Variants in EXOC3L4 observed in about 807,000 individuals in gnomAD.
EXOC3L4 encodes exocyst complex component 3-like protein 4.
In EXOC3L4, 62 loss-of-function variants were observed where a neutral mutation model predicts 69.7. The ratio of observed to expected loss-of-function variants is 0.89; its 90% CI spans 0.72 to 1.10. EXOC3L4 has a LOEUF of 1.10. Ranked by LOEUF, EXOC3L4 falls within the 50% of genes least tolerant of loss-of-function variation. EXOC3L4 has a pLI of 0.00. For synonymous variants in EXOC3L4, 502 were observed against 464.2 expected (o/e 1.08, Z -1.05); for missense variants, 1,087 against 1,034.8 (o/e 1.05, Z -0.69).
At chr14:103,103,777 G>A in intron 3 of EXOC3L4, 164 bp from the exon 4 acceptor site, 2 of 525,074 alleles carry the variant, frequency 3.8e-6, no homozygotes, top group South Asian at 2.6e-5. Flanking sequence ...GTGTGGCATG[G>A]CAGCCTAGAG....
At chr14:103,096,369 T>A (rs12888104) in intron 1 of EXOC3L4, among the ~76,000 whole-genome samples, 2,714 of 148,936 alleles carry the variant, frequency 0.018, 31 homozygotes, top group Non-Finnish European at 0.026. Flanking sequence ...CTAAAAACAA[T>A]AAACAAAGGA....
In EXOC3L4 at chr14:103,108,474, C is replaced by T; in HGVS notation, c.1933C>T (p.Gln645Ter). Residue 645 changes from glutamine (Q) to a stop codon, truncating the protein, a stop_gained, in exon 11 of 12, where the codon CAG (glutamine) becomes TAG (stop). Coordinates refer to ENST00000688303, the MANE Select transcript of EXOC3L4 (RefSeq NM_001077594.2). LOFTEE classifies it low-confidence loss of function (END_TRUNC). ...ILGETYKDDI[Q>*]RHLETLIRSY... Reference sequence around the variant, plus strand: ...GGGCGAGACCTACAAAGATGACATCCAGCGGCACCTGGAGACTCTTATCCG... The same window carrying T: ...GGGCGAGACCTACAAAGATGACATCTAGCGGCACCTGGAGACTCTTATCCG... 6 of 1,613,964 alleles carry T rather than the reference C, an allele frequency of 3.7e-6. No homozygotes were observed. The highest frequency in any genetic ancestry group is 4.2e-6 in the Non-Finnish European group (5 of 1,179,902).
intron 10 of EXOC3L4, 80 bp from the exon 11 acceptor site, chr14:103,108,316 C>A (rs1341152449): frequency 1.3e-6 from 2 of 1,566,464 alleles, no homozygotes; most frequent in Non-Finnish European, 1.7e-6. Flanking sequence ...GCTGACCTCG[C>A]ACTGACCTCG....
intron 1 of EXOC3L4, among the ~76,000 whole-genome samples, chr14:103,095,673 G>A (rs994315115): frequency 2.6e-5 from 4 of 152,162 alleles, no homozygotes; most frequent in Admixed American, 6.5e-5. Flanking sequence ...GGGCAGCAGC[G>A]GCTCAGGGGG....
intron 3 of EXOC3L4, 40 bp downstream of exon 3, chr14:103,102,812 C>T: frequency 3.8e-6 from 5 of 1,310,562 alleles, no homozygotes; most frequent in Non-Finnish European, 3.9e-6. Context: ...AGGACAGCTG[C>T]CGCTTCCTCC....
chr14:103,095,279 T>G (rs1889841535), intron 1 of EXOC3L4, among the ~76,000 whole-genome samples: 1 of 152,204 alleles, frequency 6.6e-6, no homozygotes, highest in Non-Finnish European at 1.5e-5. Context: ...GTACTAGCCA[T>G]GGCTGGGGGC....
At position 103,110,078 on chromosome 14, in the gene EXOC3L4, A is replaced by T. The variant is rs729184; in HGVS notation, c.2024A>T (p.Gln675Leu). 134 of 1,598,536 alleles carry T rather than the reference A, an allele frequency of 8.4e-5. No homozygotes were observed. The highest frequency in any genetic ancestry group is 2.9e-4 in the Admixed American group (17 of 58,078). ...CTGGCGCTGCGCCGACTGGGCCGCC[A>T]GCGGAACCAGCATCTCTTGCAGCAC... ...AILALRRLGRQRNQHLLQHTQ... is the reference protein window; with the variant it reads ...AILALRRLGRLRNQHLLQHTQ... The change falls in exon 12 of 12, where the codon CAG becomes CTG. Residue 675 changes from glutamine to leucine, a missense_variant. Coordinates refer to ENST00000688303, the MANE Select transcript of EXOC3L4 (RefSeq NM_001077594.2).
At position 103,107,962 on chromosome 14, in the gene EXOC3L4, G is replaced by A. The variant is rs181589185; in HGVS notation, c.1854+179G>A. Among the ~76,000 whole-genome samples the A allele has an allele frequency of 2.4e-4, 36 of 152,250 alleles. No homozygotes were observed. In the South Asian group the frequency reaches 5.0e-3, roughly 21 times the overall value. ...GGTGGAGGGAACCAGGTGGGAGGGC[G>A]GCACTTTGCATACATTTGCATACAG... On this transcript the variant is annotated intron_variant, in intron 10 of 11. Transcript: ENST00000688303.
chr14:103,107,722 T>C lies in EXOC3L4; in HGVS notation c.1793T>C (p.Met598Thr). 6.4e-7 allele frequency: 1 copy of C among 1,551,188 alleles called. No individual in the cohort carries two copies. The highest frequency in any genetic ancestry group is 2.0e-5 in the Admixed American group (1 of 51,056). ...GAGCGGTTCCGGGGCATGGAGCGCA[T>C]GCATGGCTCCCAGAAGATGAGCCTG... Reference protein sequence around the residue: ...PRERFRGMERMHGSQKMSLDA... With the variant: ...PRERFRGMERTHGSQKMSLDA... Residue 598 changes from methionine to threonine, a missense_variant, in exon 10 of 12, where the codon ATG becomes ACG. Transcript: ENST00000688303.
rs761010320 is a variant in EXOC3L4 at position 103,104,847 on chromosome 14, G to A, written c.1385+9G>A. ...GGCCTCTTCGTGCCCAGGTGCGGAC[G>A]CATCCTCAGTAGGGGAGCGACCTGG... On this transcript the variant is annotated intron_variant, in intron 6 of 11. Coordinates refer to ENST00000688303, the MANE Select transcript of EXOC3L4 (RefSeq NM_001077594.2). 108 of 1,508,600 alleles carry A rather than the reference G, an allele frequency of 7.2e-5. No homozygotes were observed. The highest frequency in any genetic ancestry group is 9.4e-5 in the Non-Finnish European group (105 of 1,121,366). 93.5% of individuals were successfully genotyped at this position (1,508,600 alleles called of 1,614,324 possible).
Position 103,102,426 on chromosome 14 carries a change from C to G in EXOC3L4, c.703C>G (p.Leu235Val). The G allele has an allele frequency of 6.6e-7, 1 of 1,520,398 alleles. No individual in the cohort carries two copies. The allele number at this position is 1,520,398 out of a possible 1,614,324, so 94.2% of individuals were successfully genotyped here. A position where few individuals can be genotyped will look rare whatever the true frequency, so the allele number is the denominator to read the frequency against. ...TTCTCCCCCCGACGACGGCGACTTC[C>G]TGCGCACGCCGCGCCGCTGGCGCCA... ...HPSPPDDGDF[L>V]RTPRRWRQHW... Residue 235 changes from leucine (L) to valine (V), a missense_variant, in exon 3 of 12, where the codon CTG becomes GTG. By Grantham distance (32) the Leu-to-Val change is conservative. Coordinates refer to ENST00000688303, the MANE Select transcript of EXOC3L4 (RefSeq NM_001077594.2).
chr14:103,104,379 A>T lies in EXOC3L4; in HGVS notation c.1274A>T (p.Asp425Val). ...CTCTACCAGGCGCCGCTGTCCATGG[A>T]CGTCCATATGGTGCGGCCCGGGAGC... ...QGLYQAPLSM[D>V]VHMLVAEHVK... Residue 425 changes from aspartate (D) to valine (V), a missense_variant, in exon 5 of 12, where the codon GAC becomes GTC. Transcript: ENST00000688303. 1 of 1,580,826 alleles carries T rather than the reference A, an allele frequency of 6.3e-7. No individual in the cohort carries two copies. The highest frequency in any genetic ancestry group is 8.6e-7 in the Non-Finnish European group (1 of 1,165,016).
At chr14:103,108,263 C>T (rs969911319) in intron 10 of EXOC3L4, 133 bp from the exon 11 acceptor site, 1 of 1,358,082 alleles carries the variant, frequency 7.4e-7, no homozygotes, top group Non-Finnish European at 1.0e-6. Flanking sequence ...GCAGTCCCGG[C>T]ACCGAGCCAG....
In EXOC3L4 at chr14:103,102,346, C is replaced by G. The variant is rs1566947689; in HGVS notation, c.623C>G (p.Ala208Gly). The stretch of plus-strand genomic sequence containing the variant: ...ACGCTGGACAGCGACGGTGTGGACG[C>G]GGCCGCGCTGGCCGAGCTGGCCCGC... Reference protein sequence around the residue: ...RETLDSDGVDAAALAELARVV... With the variant: ...RETLDSDGVDGAALAELARVV... The change falls in exon 3 of 12, where the codon GCG (alanine) becomes GGG (glycine). Residue 208 changes from alanine to glycine, a missense_variant. Transcript: ENST00000688303. The G allele has an allele frequency of 6.4e-7, 1 of 1,561,592 alleles. No individual in the cohort carries two copies. Among genetic ancestry groups the G allele is most frequent in the African/African-American group, 1.4e-5 (1 of 73,854 alleles).
chr14:103,110,004 G>C, intron 11 of EXOC3L4, 27 bp from the exon 12 acceptor site: 1 of 1,555,466 alleles, frequency 6.4e-7, no homozygotes, highest in Admixed American at 2.0e-5. Context: ...GTGTAGGTCT[G>C]CAGTGAGTGC....
chr14:103,094,935 C>T (rs1889825793), intron 1 of EXOC3L4, 95 bp downstream of exon 1: 1 of 152,596 alleles, frequency 6.6e-6, no homozygotes, highest in Non-Finnish European at 1.5e-5. Flanking sequence ...AGGCCAAGGG[C>T]CTCACTCAGA....
In EXOC3L4 at chr14:103,108,526, C is replaced by T. The variant is rs746248737; in HGVS notation, c.1976+9C>T. 1 of 1,611,678 alleles carries T rather than the reference C, an allele frequency of 6.2e-7. No individual in the cohort carries two copies. Among genetic ancestry groups the T allele is most frequent in the Non-Finnish European group, 8.5e-7 (1 of 1,178,522 alleles). On this transcript the variant is annotated intron_variant, in intron 11 of 11. Coordinates refer to ENST00000688303, the MANE Select transcript of EXOC3L4 (RefSeq NM_001077594.2). ...AGCTACCCCGACATCAGGTGTGTAC[C>T]CCACCTGCTTCCACTAGCTTCCTAC...
At chr14:103,099,247 C>T (rs1409377693) in intron 1 of EXOC3L4, among the ~76,000 whole-genome samples, 1 of 152,168 alleles carries the variant, frequency 6.6e-6, no homozygotes, top group African/African-American at 2.4e-5. Flanking sequence ...GGTGGGAGGC[C>T]CCTCCCCTCT....
intron 5 of EXOC3L4, 26 bp from the exon 6 acceptor site, chr14:103,104,712 C>CGCG: frequency 1.4e-6 from 2 of 1,457,658 alleles, no homozygotes; most frequent in African/African-American, 1.4e-5. Context: ...CTGGGAGGCA[C>CGCG]GCTCAGTGCG....
Sources: allele counts gnomAD v4.1 joint callset (sites outside exome capture counted in the v4.1 genomes callset), GRCh38; gene constraint gnomAD v4.1.1; transcripts MANE v1.5; gene names NCBI Gene and HGNC (gene_info 2026-07-23, HGNC 2026-07-21).